ACLY: variants seen among roughly 807,000 people sequenced by gnomAD.
ACLY encodes the protein ATP-citrate synthase.
A neutral mutation model predicts 133.0 loss-of-function variants in ACLY; 41 were observed. The ratio of observed to expected loss-of-function variants is 0.31; its 90% CI spans 0.24 to 0.40. ACLY has a LOEUF of 0.40. Ranked by LOEUF, ACLY falls within the 10% of genes least tolerant of loss-of-function variation. ACLY has a pLI of 1.00. For missense variants in ACLY, 1,046 were observed against 1,453.8 expected (o/e 0.72, Z 4.56); for synonymous variants, 495 against 549.3 (o/e 0.90, Z 1.38).
At chr17:41,889,698 AT>A (rs551826867) in intron 16 of ACLY, among the ~76,000 whole-genome samples, 1 of 151,214 alleles carries the variant, frequency 6.6e-6, no homozygotes, top group Non-Finnish European at 1.5e-5. Flanking sequence ...TCCTAATTTT[AT>A]TTTTTTTGAG....
intron 20 of ACLY, among the ~76,000 whole-genome samples, chr17:41,879,317 G>A (rs1268191391): frequency 6.6e-6 from 1 of 151,670 alleles, no homozygotes; most frequent in Non-Finnish European, 1.5e-5. Context: ...TGTTGGCCAG[G>A]CTGGTCTCGA....
chr17:41,869,595 T>C lies in ACLY; in HGVS notation c.2938-8A>G. The stretch of plus-strand genomic sequence containing the variant: ...CATGTCTGGGTTGTTTATCTAGAAA[T>C]GAACCCAACGGTACAGAGGAACACT... On this transcript the variant is annotated splice_region_variant and splice_polypyrimidine_tract_variant and intron_variant, in intron 25 of 28. Coordinates refer to ENST00000352035, the MANE Select transcript of ACLY (RefSeq NM_001096.3). 1 of 1,607,880 alleles carries C rather than the reference T, an allele frequency of 6.2e-7. No individual in the cohort carries two copies. Among genetic ancestry groups the C allele is most frequent in the Non-Finnish European group, 8.5e-7 (1 of 1,174,304 alleles).
At chr17:41,905,734 C>A in intron 8 of ACLY, 76 bp from the exon 9 acceptor site, 1 of 1,574,932 alleles carries the variant, frequency 6.3e-7, no homozygotes, top group Admixed American at 1.7e-5. Context: ...TGGGAGGACA[C>A]ACGGATCCCT....
upstream of ACLY, among the ~76,000 whole-genome samples, chr17:41,922,370 CAAAAAAAAAA>C (rs1164362085): frequency 3.9e-4 from 12 of 30,938 alleles, no homozygotes; most frequent in East Asian, 9.4e-3. Flanking sequence ...CAGAGCGAGA[CAAAAAAAAAA>C]AAAAAAAAAA....
chr17:41,894,025 C>A (rs2049289638), intron 14 of ACLY, among the ~76,000 whole-genome samples: 1 of 151,972 alleles, frequency 6.6e-6, no homozygotes, highest in South Asian at 2.1e-4. Flanking sequence ...ACCAGCCTGG[C>A]CAACGCGGTG....
intron 1 of ACLY, among the ~76,000 whole-genome samples, chr17:41,929,854 T>C (rs2050294746): frequency 6.6e-6 from 1 of 150,440 alleles, no homozygotes; most frequent in African/African-American, 2.4e-5. Flanking sequence ...TCCCCAGTTT[T>C]ACATGTATGC....
In ACLY at chr17:41,905,506, T is replaced by G. The variant is rs371911484; in HGVS notation, c.1003+16A>C. 2.7e-5 allele frequency: 43 copies of G among 1,614,134 alleles called. No homozygotes were observed. The Middle Eastern group carries it at 4.9e-4, about 19-fold the overall frequency. ...GGGGAAGTGGGGACAGGTATGTGTG[T>G]GTGCAAGTATCTCACCATCTGGGTG... is the stretch of plus-strand genomic sequence containing the variant. On this transcript the variant is annotated intron_variant, in intron 9 of 28. Transcript: ENST00000352035.
At chr17:41,898,526 G>A (rs1555630856) in intron 12 of ACLY, 105 bp downstream of exon 12, 18 of 1,423,322 alleles carry the variant, frequency 1.3e-5, no homozygotes, top group South Asian at 7.0e-5. Flanking sequence ...ACTAACTCCC[G>A]CTGTATTTCC....
chr17:41,913,772 G>T lies in ACLY; in HGVS notation c.102C>A (p.Val34=). The T allele has an allele frequency of 6.2e-7, 1 of 1,614,256 alleles. No homozygotes were observed. The highest frequency in any genetic ancestry group is 8.5e-7 in the Non-Finnish European group (1 of 1,180,044). The change falls in exon 2 of 29, where the codon GTC becomes GTA. Residue 34 remains valine (V), a synonymous_variant. Coordinates refer to ENST00000352035, the MANE Select transcript of ACLY (RefSeq NM_001096.3). ...AGCGGGCCCAGTCTGTGTCAGGAGT[G>T]ACCCGAGCATACTTGAACCGATTCT... The part of the protein sequence containing the change: ...AIQNRFKYAR[V]TPDTDWARLL...
chr17:41,917,160 T>G (rs1387316578), intron 1 of ACLY, among the ~76,000 whole-genome samples: 3 of 137,408 alleles, frequency 2.2e-5, no homozygotes, highest in African/African-American at 8.1e-5. Context: ...AAAAAAAGAA[T>G]ATTTGCTCTA....
At chr17:41,918,774 G>C (rs782420346) in intron 1 of ACLY, 106 bp downstream of exon 1, 27 of 1,238,044 alleles carry the variant, frequency 2.2e-5, no homozygotes, top group Admixed American at 2.7e-5. Context: ...AGGGCGCGTG[G>C]GCACCGAGCC....
In ACLY at chr17:41,918,899, C is replaced by A; in HGVS notation, c.-43G>T. On this transcript the variant is annotated 5_prime_UTR_variant, in exon 1 of 29. Coordinates refer to ENST00000352035, the MANE Select transcript of ACLY (RefSeq NM_001096.3). The stretch of plus-strand genomic sequence containing the variant: ...GCTCACCTCTGCCGAAGTCCGTGCG[C>A]GGCGCTTCTTCCACAGGCCCGACGA... 7.8e-6 allele frequency: 10 copies of A among 1,288,414 alleles called. No individual in the cohort carries two copies. Among genetic ancestry groups the A allele is most frequent in the Non-Finnish European group, 1.0e-5 (10 of 988,372 alleles). 79.8% of individuals were successfully genotyped at this position (1,288,414 alleles called of 1,614,324 possible).
At chr17:41,914,984 T>A (rs1177528651) in intron 1 of ACLY, among the ~76,000 whole-genome samples, 1 of 152,180 alleles carries the variant, frequency 6.6e-6, no homozygotes, top group East Asian at 1.9e-4. Context: ...GGCGTTAGGA[T>A]AACTTGCCCA....
rs2048496085 is a variant in ACLY, at chr17:41,867,490, T to C, written c.*320A>G. 5.4e-6 allele frequency: 1 copy of C among 184,670 alleles called. No individual in the cohort carries two copies. The highest frequency in any genetic ancestry group is 2.3e-5 in the African/African-American group (1 of 42,696). 11.4% of individuals were successfully genotyped at this position (184,670 alleles called of 1,614,324 possible). The stretch of plus-strand genomic sequence containing the variant: ...CTAATGGAAAAAGAAAGCAACATCC[T>C]AACGCCCTACAATGAGGAAGACCCC... On this transcript the variant is annotated 3_prime_UTR_variant, in exon 29 of 29. Coordinates refer to ENST00000352035, the MANE Select transcript of ACLY (RefSeq NM_001096.3).
At chr17:41,924,049 T>G (rs1310596334) in intron 1 of ACLY, among the ~76,000 whole-genome samples, 1 of 152,204 alleles carries the variant, frequency 6.6e-6, no homozygotes, top group Non-Finnish European at 1.5e-5. Context: ...GACCTCATGA[T>G]CCGCCTGCCT....
At chr17:41,871,923 C>CCGTTTTTTT in intron 24 of ACLY, 91 bp from the exon 25 acceptor site, 1 of 1,594,278 alleles carries the variant, frequency 6.3e-7, no homozygotes, top group Non-Finnish European at 8.5e-7. Context: ...CGGCCCTGAG[C>CCGTTTTTTT]ACTGGGTTTT....
upstream of ACLY, among the ~76,000 whole-genome samples, chr17:41,919,842 G>A (rs1555635223): frequency 6.6e-6 from 1 of 152,212 alleles, no homozygotes; most frequent in Non-Finnish European, 1.5e-5. Flanking sequence ...AATCTGACAG[G>A]TGCTGGTGAA....
chr17:41,913,717 G>A lies in ACLY; in HGVS notation c.157C>T (p.Gln53Ter). The change falls in exon 2 of 29, where the codon CAG (glutamine) becomes TAG (stop). Residue 53 changes from glutamine (Q) to a stop codon, truncating the protein, a stop_gained and splice_region_variant. Transcript: ENST00000352035. LOFTEE classifies it high-confidence loss of function. The stretch of plus-strand genomic sequence containing the variant: ...CCCAAAGTGGAGGCAGGGCTCACCT[G>A]GCTGAGCAGCCAGGGGTGGTCCTGC... Reference protein sequence around the residue: ...LLQDHPWLLSQNLVVKPDQLI... With the variant: ...LLQDHPWLLS 1.2e-6 allele frequency: 2 copies of A among 1,613,866 alleles called. No homozygotes were observed. The highest frequency in any genetic ancestry group is 1.7e-6 in the Non-Finnish European group (2 of 1,179,888).
At chr17:41,901,905 A>T (rs2049551839) in intron 10 of ACLY, 92 bp from the exon 11 acceptor site, 1 of 979,508 alleles carries the variant, frequency 1.0e-6, no homozygotes, top group Non-Finnish European at 1.5e-6. Context: ...GGTATATGTG[A>T]CAAGTGCTGC....
Sources: gnomAD v4.1 joint callset for allele counts (sites outside exome capture counted in the v4.1 genomes callset) on GRCh38, gnomAD v4.1.1 for gene constraint, MANE v1.5 for transcripts, NCBI Gene and HGNC (gene_info 2026-07-23, HGNC 2026-07-21) for gene names.